PLAC1: variants seen among roughly 807,000 people sequenced by gnomAD.
The protein encoded by PLAC1 is placenta-specific protein 1.
For missense variants in PLAC1, 136 were observed against 163.2 expected (o/e 0.83, Z 0.91); for synonymous variants, 68 against 62.1 (o/e 1.09, Z -0.44).
In PLAC1 at chrX:134,702,343, C is replaced by T. The variant is rs183266555; in HGVS notation, n.174+31092G>A. 4.4e-5 allele frequency among the ~76,000 whole-genome samples: 5 copies of T among 112,367 alleles called. No homozygotes were observed. In the East Asian group the frequency reaches 1.4e-3, roughly 31 times the overall value. ...CACAATAGCAAATACATGCAATCAA[C>T]CTAGGTGCCCATCAGTGGTGGACTG... On this transcript the variant is annotated intron_variant and non_coding_transcript_variant, in intron 2 of 2. Coordinates refer to the PLAC1 transcript ENST00000466797.
intron 1 of PLAC1, among the ~76,000 whole-genome samples, chrX:134,740,580 A>T (rs961583500): frequency 8.9e-6 from 1 of 111,884 alleles, no homozygotes; most frequent in Non-Finnish European, 1.9e-5. Context: ...GCGGCCCCAG[A>T]AAAGATATGA....
At chrX:134,723,623 T>C (rs1013593112) in intron 2 of PLAC1, among the ~76,000 whole-genome samples, 1 of 111,432 alleles carries the variant, frequency 9.0e-6, no homozygotes, top group Non-Finnish European at 1.9e-5. Flanking sequence ...AAGAATGTAT[T>C]ACCTTAAGAT....
intron 2 of PLAC1, among the ~76,000 whole-genome samples, chrX:134,686,841 A>G (rs1384818510): frequency 1.8e-5 from 2 of 111,162 alleles, no homozygotes; most frequent in Non-Finnish European, 3.8e-5. Context: ...TCTTCTTCCA[A>G]TATGACAAAG....
chrX:134,655,133 A>C (rs1385328860), intron 1 of PLAC1, among the ~76,000 whole-genome samples: 1 of 111,490 alleles, frequency 9.0e-6, no homozygotes, highest in African/African-American at 3.3e-5. Context: ...GGTTCCCCCC[A>C]TACCCTTTTT....
intron 2 of PLAC1, among the ~76,000 whole-genome samples, chrX:134,669,001 C>T (rs932954489): frequency 7.1e-5 from 8 of 112,740 alleles, no homozygotes; most frequent in Non-Finnish European, 1.3e-4. Context: ...TGCCTCCCAA[C>T]GTGGGGCCTT....
At chrX:134,651,196 T>C (rs1390505860) in intron 1 of PLAC1, 5 of 253,459 alleles carry the variant, frequency 2.0e-5, no homozygotes, top group South Asian at 1.2e-4. Flanking sequence ...TGTACTCTGA[T>C]AGCTGCGTAC....
chrX:134,580,795 T>C (rs1171885654), intron 2 of PLAC1, among the ~76,000 whole-genome samples: 3 of 112,099 alleles, frequency 2.7e-5, no homozygotes, highest in Non-Finnish European at 5.6e-5. Flanking sequence ...CTTATTTCAA[T>C]GTAACACATT....
In PLAC1 at chrX:134,566,809, T is replaced by A. The variant is rs58284892; in HGVS notation, c.-58-69A>T. The A allele has an allele frequency of 9.0e-4, 482 of 534,754 alleles. 5 individuals carry two copies. The African/African-American group carries it at 9.6e-3, about 11-fold the overall frequency. 44.1% of individuals were successfully genotyped at this position (534,754 alleles called of 1,213,427 possible). ...ATTGAAAGTTCAAACATGATATATT[T>A]TTTAAGCAAAGGGCTGTTCCTAAAG... On this transcript the variant is annotated intron_variant, in intron 2 of 2. Coordinates refer to ENST00000359237, the MANE Select transcript of PLAC1 (RefSeq NM_021796.4).
chrX:134,698,808 G>A (rs1184865934), intron 2 of PLAC1, among the ~76,000 whole-genome samples: 3 of 111,171 alleles, frequency 2.7e-5, no homozygotes, highest in Non-Finnish European at 5.7e-5. Context: ...ATATCTGCTT[G>A]GATAGCTGCT....
Position 134,670,093 on chromosome X carries a change from G to A in PLAC1, n.174+63342C>T, listed in dbSNP as rs773824449. 4.7e-4 allele frequency among the ~76,000 whole-genome samples: 50 copies of A among 107,076 alleles called. 1 individual carries two copies. Among genetic ancestry groups the A allele is most frequent in the African/African-American group, 1.6e-3 (47 of 29,214 alleles). 93.0% of individuals were successfully genotyped at this position (107,076 alleles called of 115,157 possible). ...ATGTGTGCAAGCAAAGTTTGGCTGG[G>A]TGGCAGCTGAAACTTTTTTTTTTGA... On this transcript the variant is annotated intron_variant and non_coding_transcript_variant, in intron 2 of 2. Coordinates refer to the PLAC1 transcript ENST00000466797.
intron 1 of PLAC1, among the ~76,000 whole-genome samples, chrX:134,625,423 C>T (rs2078231914): frequency 8.9e-6 from 1 of 112,310 alleles, no homozygotes. Flanking sequence ...TTGCTGGCAA[C>T]CACCCTCCTC....
intron 2 of PLAC1, among the ~76,000 whole-genome samples, chrX:134,681,939 A>G (rs1359617132): frequency 8.9e-6 from 1 of 111,933 alleles, no homozygotes; most frequent in African/African-American, 3.3e-5. Context: ...TTTGTTTTAA[A>G]ATGATGTTGT....
intron 1 of PLAC1, among the ~76,000 whole-genome samples, chrX:134,655,752 T>C (rs2078388276): frequency 8.9e-6 from 1 of 112,296 alleles, no homozygotes; most frequent in African/African-American, 3.2e-5. Flanking sequence ...GGTATGTGTG[T>C]TTTTAAAAAA....
At chrX:134,737,963 C>T (rs760574118) in intron 1 of PLAC1, among the ~76,000 whole-genome samples, 1 of 111,480 alleles carries the variant, frequency 9.0e-6, no homozygotes, top group Non-Finnish European at 1.9e-5. Flanking sequence ...GAGGCTGATG[C>T]AATCACAGAG....
intron 2 of PLAC1, among the ~76,000 whole-genome samples, chrX:134,696,597 C>T (rs1257218769): frequency 9.0e-6 from 1 of 111,511 alleles, no homozygotes; most frequent in Non-Finnish European, 1.9e-5. Flanking sequence ...TTTATTAACT[C>T]CTGTATCAAT....
chrX:134,745,462 T>G (rs1025500042), intron 1 of PLAC1, among the ~76,000 whole-genome samples: 1 of 111,813 alleles, frequency 8.9e-6, no homozygotes, highest in South Asian at 3.8e-4. Context: ...TTAAACAATG[T>G]AAGAGGTAAA....
upstream of PLAC1, among the ~76,000 whole-genome samples, chrX:134,659,868 G>A (rs1015991718): frequency 4.5e-5 from 5 of 111,473 alleles, no homozygotes; most frequent in Admixed American, 3.8e-4. Context: ...ACTTACCTAA[G>A]GTCACACAGG....
chrX:134,708,403 T>C (rs914632031), intron 2 of PLAC1, among the ~76,000 whole-genome samples: 5 of 111,396 alleles, frequency 4.5e-5, no homozygotes, highest in African/African-American at 1.6e-4. Flanking sequence ...TTATATAACA[T>C]TCTTGAAATG....
intron 2 of PLAC1, 59 bp from the exon 3 acceptor site, chrX:134,566,799 A>G: frequency 1.7e-6 from 1 of 579,121 alleles, no homozygotes. Context: ...AAGTTCAAAC[A>G]TGATATATTT....
Sources: allele counts gnomAD v4.1 joint callset (sites outside exome capture counted in the v4.1 genomes callset), GRCh38; gene constraint gnomAD v4.1.1; transcripts MANE v1.5; gene names NCBI Gene and HGNC (gene_info 2026-07-23, HGNC 2026-07-21).